Variants in WDR37 observed in about 807,000 individuals in gnomAD.
WDR37 encodes the protein WD repeat domain 37, also known as WD repeat-containing protein 37.
A neutral mutation model predicts 62.9 loss-of-function variants in WDR37; 19 were observed. The observed-to-expected ratio is 0.30, with a 90% CI of 0.21 to 0.44. The LOEUF (loss-of-function observed/expected upper bound fraction) is 0.44. Ranked by LOEUF, WDR37 falls within the 20% of genes least tolerant of loss-of-function variation. WDR37 has a pLI of 1.00. For missense variants in WDR37, 474 were observed against 657.6 expected (o/e 0.72, Z 3.05); for synonymous variants, 250 against 260.9 (o/e 0.96, Z 0.40).
At chr10:1,059,044 A>T (rs747139856) in intron 1 of WDR37, among the ~76,000 whole-genome samples, 6 of 152,268 alleles carry the variant, frequency 3.9e-5, no homozygotes, top group Non-Finnish European at 5.9e-5. Flanking sequence ...AACTGAAAGT[A>T]ATGTTTTGTG....
At chr10:1,076,932 G>A (rs530754930) in intron 2 of WDR37, among the ~76,000 whole-genome samples, 6 of 150,602 alleles carry the variant, frequency 4.0e-5, no homozygotes, top group South Asian at 2.1e-4. Context: ...CCTGGGAGGC[G>A]GAGCTTGCAG....
chr10:1,104,991 T>C, intron 10 of WDR37, 135 bp from the exon 11 acceptor site: 1 of 1,077,206 alleles, frequency 9.3e-7, no homozygotes, highest in Non-Finnish European at 1.3e-6. Context: ...GTGACCCACA[T>C]GCTGCTGAGT....
At chr10:1,093,016 C>G (rs780157754) in intron 7 of WDR37, among the ~76,000 whole-genome samples, 1 of 151,794 alleles carries the variant, frequency 6.6e-6, no homozygotes, top group Non-Finnish European at 1.5e-5. Flanking sequence ...GGGGTCCTGG[C>G]GTCTCTACTA....
chr10:1,059,642 CA>C (rs1293787950), intron 1 of WDR37, among the ~76,000 whole-genome samples: 1 of 151,408 alleles, frequency 6.6e-6, no homozygotes, highest in Non-Finnish European at 1.5e-5. Flanking sequence ...ACTGAAAATA[CA>C]AAAAATTAGC....
At chr10:1,125,942 C>G (rs944801725) in intron 13 of WDR37, among the ~76,000 whole-genome samples, 1 of 152,256 alleles carries the variant, frequency 6.6e-6, no homozygotes, top group Non-Finnish European at 1.5e-5. Context: ...AGAATCGAGA[C>G]TCCATGGCAC....
intron 13 of WDR37, among the ~76,000 whole-genome samples, chr10:1,127,731 G>C (rs1460240688): frequency 6.6e-6 from 1 of 152,210 alleles, no homozygotes; most frequent in Non-Finnish European, 1.5e-5. Context: ...GGCTCACGGA[G>C]TGTGAGGGTC....
intron 8 of WDR37, 131 bp from the exon 9 acceptor site, chr10:1,096,039 G>A: frequency 1.3e-6 from 1 of 749,914 alleles, no homozygotes; most frequent in Non-Finnish European, 2.3e-6. Flanking sequence ...TAAGTAAAAA[G>A]TACATTCCTC....
chr10:1,068,575 G>C (rs950876399), intron 1 of WDR37, among the ~76,000 whole-genome samples: 1 of 152,060 alleles, frequency 6.6e-6, no homozygotes, highest in Non-Finnish European at 1.5e-5. Flanking sequence ...TTTCATAAAA[G>C]AGTAATGACA....
intron 11 of WDR37, among the ~76,000 whole-genome samples, chr10:1,108,752 G>T (rs78621758): frequency 3.8e-5 from 3 of 78,182 alleles, no homozygotes; most frequent in Non-Finnish European, 7.5e-5. Context: ...CCCCCCCCCC[G>T]TGGAACCTGC....
intron 11 of WDR37, among the ~76,000 whole-genome samples, chr10:1,114,430 C>T (rs1188090766): frequency 2.0e-5 from 3 of 152,184 alleles, no homozygotes; most frequent in Non-Finnish European, 1.5e-5. Context: ...GGACCCTCCA[C>T]CAGCAAAAAG....
At position 1,074,399 on chromosome 10, in the gene WDR37, G is replaced by A. The variant is rs1422949351; in HGVS notation, c.138+2106G>A. On this transcript the variant is annotated intron_variant, in intron 2 of 13. Coordinates refer to ENST00000263150, the MANE Select transcript of WDR37 (RefSeq NM_014023.4). ...TAGCTCAGAGGTCTCCAAGCCGCACGGCCTCGTCCTCTGCTCCACCTTTGG... is the reference window on the plus strand; with the variant it reads ...TAGCTCAGAGGTCTCCAAGCCGCACAGCCTCGTCCTCTGCTCCACCTTTGG... 3.1e-6 allele frequency: 4 copies of A among 1,300,848 alleles called. No homozygotes were observed. In the African/African-American group the frequency reaches 6.1e-5, roughly 20 times the overall value. The allele number at this position is 1,300,848 out of a possible 1,614,324, so 80.6% of individuals were successfully genotyped here. A position where few individuals can be genotyped will look rare whatever the true frequency, so the allele number is the denominator to read the frequency against.
At chr10:1,084,708 T>C (rs1204425193) in intron 6 of WDR37, among the ~76,000 whole-genome samples, 170 bp downstream of exon 6, 1 of 152,250 alleles carries the variant, frequency 6.6e-6, no homozygotes. Context: ...TGTTGTGGCC[T>C]GAAGTCCTGC....
rs534904943 is a variant in WDR37, at chr10:1,087,117, C to T, written c.604+760C>T. ...GCCTTCCCCTCCCCTTTCCCAGGAC[C>T]TCCTCTCCTTTGGCCATTCCTGCTG... On this transcript the variant is annotated intron_variant, in intron 7 of 13. Transcript: ENST00000263150. Among the ~76,000 whole-genome samples the T allele has an allele frequency of 4.6e-5, 7 of 152,280 alleles. No individual in the cohort carries two copies. The East Asian group carries it at 7.7e-4, about 17-fold the overall frequency.
chr10:1,063,999 C>CA (rs1349174448), intron 1 of WDR37, among the ~76,000 whole-genome samples: 1 of 152,174 alleles, frequency 6.6e-6, no homozygotes, highest in Admixed American at 6.5e-5. Flanking sequence ...AGAGATGACA[C>CA]AGAGTTTAGA....
In WDR37 at chr10:1,079,994, A is replaced by C; in HGVS notation, c.236-17A>C. ...TAAAAACATACTTTAGATTTTTGAA[A>C]ACTTTTTTCTTCCCAGTACGTAGAG... On this transcript the variant is annotated splice_polypyrimidine_tract_variant and intron_variant, in intron 3 of 13. Coordinates refer to ENST00000263150, the MANE Select transcript of WDR37 (RefSeq NM_014023.4). 6.2e-7 allele frequency: 1 copy of C among 1,612,040 alleles called. No homozygotes were observed. Among genetic ancestry groups the C allele is most frequent in the Non-Finnish European group, 8.5e-7 (1 of 1,179,044 alleles).
intron 13 of WDR37, among the ~76,000 whole-genome samples, chr10:1,127,622 G>A (rs377435778): frequency 2.8e-4 from 42 of 152,354 alleles, no homozygotes; most frequent in East Asian, 2.3e-3. Context: ...TTGGGAAAGC[G>A]AGCTTGGTGG....
intron 13 of WDR37, among the ~76,000 whole-genome samples, chr10:1,126,615 C>A (rs1324737392): frequency 6.6e-6 from 1 of 152,188 alleles, no homozygotes; most frequent in East Asian, 1.9e-4. Context: ...TGGGTGGCCC[C>A]CTCAGTGCCT....
intron 11 of WDR37, among the ~76,000 whole-genome samples, chr10:1,123,304 G>A (rs976087696): frequency 9.9e-5 from 15 of 152,260 alleles, no homozygotes; most frequent in African/African-American, 3.4e-4. Flanking sequence ...CTGTTTTTAT[G>A]TGTGTACTTC....
intron 2 of WDR37, among the ~76,000 whole-genome samples, chr10:1,073,178 A>C (rs993807043): frequency 6.6e-6 from 1 of 152,192 alleles, no homozygotes; most frequent in African/African-American, 2.4e-5. Context: ...ATTTATATTA[A>C]AATAAGCTCT....
Sources: gnomAD v4.1 joint callset for allele counts (sites outside exome capture counted in the v4.1 genomes callset) on GRCh38, gnomAD v4.1.1 for gene constraint, MANE v1.5 for transcripts, NCBI Gene and HGNC (gene_info 2026-07-23, HGNC 2026-07-21) for gene names.